TUSC3: variants seen among roughly 807,000 people sequenced by gnomAD.
TUSC3 encodes dolichyl-diphosphooligosaccharide--protein glycosyltransferase subunit TUSC3.
TUSC3 carries 45 observed loss-of-function variants against 44.8 expected under a neutral mutation model. The observed-to-expected ratio is 1.00, with a 90% confidence interval of 0.79 to 1.29. The LOEUF is 1.29. TUSC3 is among the 50% of genes most tolerant of loss of function. The pLI, the probability that TUSC3 is intolerant of heterozygous loss-of-function variation, is 0.00. For missense variants in TUSC3, 519 were observed against 437.9 expected, an observed-to-expected ratio of 1.19 and a Z score of -1.65; for synonymous variants, 212 against 152.9, an observed-to-expected ratio of 1.39 and a Z score of -2.85.
intron 1 of TUSC3, among the ~76,000 whole-genome samples, chr8:15,542,570 G>GA (rs944295785): frequency 2.0e-5 from 3 of 148,964 alleles, no homozygotes; most frequent in East Asian, 2.0e-4. Context: ...TTTACAAGGG[G>GA]AAAAAAAAAA....
chr8:15,831,191 T>C, the TUSC3 span, among the ~76,000 whole-genome samples: 7 of 152,198 alleles, frequency 4.6e-5, no homozygotes, highest in African/African-American at 1.2e-4. Context: ...GAGCTGAGCG[T>C]TGACCCCCTA....
At position 15,658,451 on chromosome 8, in the gene TUSC3, T is replaced by A. The variant is rs1472875662; in HGVS notation, c.427-1056T>A. 3.3e-5 allele frequency among the ~76,000 whole-genome samples: 5 copies of A among 152,164 alleles called. No individual in the cohort carries two copies. In the East Asian group the frequency reaches 5.8e-4, roughly 18 times the overall value. On this transcript the variant is annotated intron_variant, in intron 3 of 10. Coordinates refer to ENST00000503731, the MANE Select transcript of TUSC3 (RefSeq NM_006765.4). ...ATGGGCAGCTAAGCTTTTACTGTTG[T>A]ATCGTTTGCTTGATATCAACTGTGA...
chr8:15,587,001 T>C (rs990102829), intron 1 of TUSC3, among the ~76,000 whole-genome samples: 4 of 152,230 alleles, frequency 2.6e-5, no homozygotes, highest in Non-Finnish European at 5.9e-5. Context: ...GATTACACTT[T>C]GAAAACCACT....
chr8:15,650,930 CA>C, intron 3 of TUSC3, 116 bp downstream of exon 3: 1 of 1,049,764 alleles, frequency 9.5e-7, no homozygotes. Flanking sequence ...GCGGAGGTTG[CA>C]GTGAGCCGAG....
chr8:15,603,996 C>G (rs186038696), intron 1 of TUSC3, among the ~76,000 whole-genome samples: 10 of 151,492 alleles, frequency 6.6e-5, no homozygotes, highest in African/African-American at 2.4e-4. Flanking sequence ...ATGAGAAAGC[C>G]TATGTGACCA....
At chr8:15,831,674 C>A in the TUSC3 span, among the ~76,000 whole-genome samples, 1 of 151,990 alleles carries the variant, frequency 6.6e-6, no homozygotes, top group African/African-American at 2.4e-5. Flanking sequence ...GTGTTAATAT[C>A]AGAATAGACC....
intron 1 of TUSC3, among the ~76,000 whole-genome samples, chr8:15,425,185 A>G (rs1216671957): frequency 6.6e-6 from 1 of 152,230 alleles, no homozygotes; most frequent in East Asian, 1.9e-4. Context: ...TAAATGAAGT[A>G]GTCAAGTTTT....
intron 3 of TUSC3, among the ~76,000 whole-genome samples, chr8:15,659,084 TA>T (rs1807304420): frequency 6.6e-6 from 1 of 152,174 alleles, no homozygotes; most frequent in South Asian, 2.1e-4. Context: ...AATTCCATAA[TA>T]TGCTTATTTT....
intron 1 of TUSC3, among the ~76,000 whole-genome samples, chr8:15,597,393 T>C (rs1804117037): frequency 1.3e-5 from 2 of 152,108 alleles, no homozygotes; most frequent in Admixed American, 6.6e-5. Context: ...ACTGCATTCT[T>C]AAATATTAGT....
At chr8:15,527,469 G>A (rs182519036) in intron 2 of TUSC3, among the ~76,000 whole-genome samples, 42 of 152,174 alleles carry the variant, frequency 2.8e-4, no homozygotes, top group Admixed American at 7.9e-4. Context: ...CACCTGCCCC[G>A]GCCTCCCAAA....
chr8:15,829,319 C>T, the TUSC3 span, among the ~76,000 whole-genome samples: 1 of 152,118 alleles, frequency 6.6e-6, no homozygotes, highest in East Asian at 1.9e-4. Flanking sequence ...TGCCAGACTG[C>T]GATTATGTAT....
chr8:15,469,233 G>A (rs1457855917), intron 1 of TUSC3, among the ~76,000 whole-genome samples: 1 of 152,178 alleles, frequency 6.6e-6, no homozygotes, highest in Non-Finnish European at 1.5e-5. Context: ...ACAAGTCACT[G>A]ACTAGGAAAA....
chr8:15,767,848 C>T (rs1463776977), downstream of TUSC3, among the ~76,000 whole-genome samples: 1 of 152,000 alleles, frequency 6.6e-6, no homozygotes, highest in African/African-American at 2.4e-5. Context: ...GAAGTTGGGA[C>T]AAATAGACAT....
chr8:15,783,254 T>G, the TUSC3 span, among the ~76,000 whole-genome samples: 1 of 152,184 alleles, frequency 6.6e-6, no homozygotes, highest in South Asian at 2.1e-4. Context: ...TGGAAGAATG[T>G]GGTTAAAATG....
At chr8:15,681,559 C>CTTT (rs71211069) in intron 6 of TUSC3, among the ~76,000 whole-genome samples, 1 of 146,002 alleles carries the variant, frequency 6.8e-6, no homozygotes, top group African/African-American at 2.5e-5. Flanking sequence ...GATCTTTTCT[C>CTTT]TTTTTTTTTT....
chr8:15,458,514 C>T (rs972315484), intron 1 of TUSC3, among the ~76,000 whole-genome samples: 1 of 152,156 alleles, frequency 6.6e-6, no homozygotes, highest in African/African-American at 2.4e-5. Context: ...GCTGGCCATA[C>T]AGGTGGAAGC....
At chr8:15,800,030 C>T in the TUSC3 span, among the ~76,000 whole-genome samples, 5 of 152,218 alleles carry the variant, frequency 3.3e-5, no homozygotes, top group East Asian at 3.9e-4. Context: ...TTGTTTATAA[C>T]GGGCAGCAAG....
rs146731892 is a variant in TUSC3, at chr8:15,513,566, A to C, written n.189+30083A>C. On this transcript the variant is annotated intron_variant and non_coding_transcript_variant, in intron 2 of 5. Transcript: ENST00000503191. ...CTAAACTTAGGTCCTTTTTAGACTCAAGAACGTAATTGAGAATCTTGATGC... is the reference window on the plus strand; with the variant it reads ...CTAAACTTAGGTCCTTTTTAGACTCCAGAACGTAATTGAGAATCTTGATGC... 1.2e-3 allele frequency among the ~76,000 whole-genome samples: 188 copies of C among 152,324 alleles called. 3 individuals carry two copies. The highest frequency in any genetic ancestry group is 4.3e-3 in the African/African-American group (179 of 41,580).
At chr8:15,466,157 C>T (rs946794025) in intron 1 of TUSC3, among the ~76,000 whole-genome samples, 1 of 152,100 alleles carries the variant, frequency 6.6e-6, no homozygotes, top group African/African-American at 2.4e-5. Flanking sequence ...TATTTTGAAA[C>T]ATGTATGTTA....
Sources: allele counts gnomAD v4.1 joint callset (sites outside exome capture counted in the v4.1 genomes callset), GRCh38; gene constraint gnomAD v4.1.1; transcripts MANE v1.5; gene names NCBI Gene and HGNC (gene_info 2026-07-23, HGNC 2026-07-21).